Variants in SEC31A observed in about 807,000 individuals in gnomAD.
SEC31A encodes the protein protein transport protein Sec31A.
Under a neutral mutation model 151.0 loss-of-function variants are expected in SEC31A, and 70 were observed. That is an observed-to-expected ratio of 0.46 (90% CI 0.38 to 0.57). SEC31A has a LOEUF of 0.57. SEC31A is among the 20% of genes least tolerant of loss of function. The probability of loss-of-function intolerance (pLI) is 0.00; values close to 1 mark genes in which losing one functional copy is unlikely to be tolerated. For missense variants in SEC31A, 1,330 were observed against 1,471.2 expected, an observed-to-expected ratio of 0.90 and a Z score of 1.57; for synonymous variants, 475 against 505.9, an observed-to-expected ratio of 0.94 and a Z score of 0.82.
intron 8 of SEC31A, among the ~76,000 whole-genome samples, chr4:82,868,226 T>C (rs990367282): frequency 6.6e-6 from 1 of 152,120 alleles, no homozygotes; most frequent in Non-Finnish European, 1.5e-5. Flanking sequence ...AGGCTGGGCA[T>C]GGTGGTTCAC....
intron 20 of SEC31A, among the ~76,000 whole-genome samples, chr4:82,844,921 A>C (rs1287637881): frequency 6.6e-6 from 1 of 152,260 alleles, no homozygotes; most frequent in Admixed American, 6.5e-5. Context: ...AAAGAAAAAA[A>C]GTCTTCAGTA....
At chr4:82,885,825 T>C in intron 1 of SEC31A, among the ~76,000 whole-genome samples, 1 of 152,242 alleles carries the variant, frequency 6.6e-6, no homozygotes, top group South Asian at 2.1e-4. Context: ...GTCTCAGTCC[T>C]GCAGTTAAAA....
chr4:82,871,378 G>T, intron 7 of SEC31A: 1 of 1,525,286 alleles, frequency 6.6e-7, no homozygotes. Flanking sequence ...CTATGGATGG[G>T]CATGAAATCT....
chr4:82,861,686 A>G lies in SEC31A; in HGVS notation c.1571T>C (p.Val524Ala). The G allele has an allele frequency of 6.2e-7, 1 of 1,610,762 alleles. No homozygotes were observed. Residue 524 changes from valine to alanine, a missense_variant, in exon 14 of 27, where the codon GTA becomes GCA. Val to Ala is a moderately conservative substitution (Grantham distance 64, BLOSUM62 0). Transcript: ENST00000395310. Reference protein sequence around the residue: ...ANVALKDSDQVAQSDGEESPA... With the variant: ...ANVALKDSDQAAQSDGEESPA... ...GCTCTCCTCCCCATCACTCTGTGCT[A>G]CTTGGTCAGAGTCTTTAAGAGCCTT... is the stretch of plus-strand genomic sequence containing the variant.
intron 13 of SEC31A, among the ~76,000 whole-genome samples, chr4:82,861,999 C>T (rs71631360): frequency 0.19 from 27,669 of 148,332 alleles, 2,796 homozygotes; most frequent in South Asian, 0.33. Context: ...CTGCAACCTC[C>T]GCCTCCCAGT....
intron 26 of SEC31A, among the ~76,000 whole-genome samples, chr4:82,819,617 A>G (rs977637935): frequency 7.9e-5 from 12 of 152,160 alleles, no homozygotes; most frequent in Admixed American, 3.3e-4. Context: ...AAAGATTCTT[A>G]ATCATAATAT....
chr4:82,819,050 T>A lies in SEC31A; in HGVS notation c.*24A>T. 5 of 1,565,886 alleles carry A rather than the reference T, an allele frequency of 3.2e-6. No homozygotes were observed. Among genetic ancestry groups the A allele is most frequent in the Non-Finnish European group, 4.3e-6 (5 of 1,159,064 alleles). ...ATGTTTCTTTGGAAAAATGGCAATA[T>A]TGAGTGGAAGAGAAGCTGTCCTTTT... On this transcript the variant is annotated 3_prime_UTR_variant, in exon 27 of 27. Transcript: ENST00000395310.
In SEC31A at chr4:82,878,894, C is replaced by A. The variant is rs1354056613; in HGVS notation, c.238G>T (p.Asp80Tyr). The A allele has an allele frequency of 3.1e-6, 5 of 1,613,660 alleles. No homozygotes were observed. Among genetic ancestry groups the A allele is most frequent in the Non-Finnish European group, 4.2e-6 (5 of 1,179,748 alleles). The change falls in exon 4 of 27, where the codon GAT (aspartate) becomes TAT (tyrosine). Residue 80 changes from aspartate (D) to tyrosine (Y), a missense_variant. Coordinates refer to ENST00000395310, the MANE Select transcript of SEC31A (RefSeq NM_001077207.4). ...ACTCCAGAGACATCTCCTTTGGAAT[C>A]CATTTTATAAGGCCCCCAAATCAAC... Reference protein sequence around the residue: ...HKLIWGPYKMDSKGDVSGVLI... With the variant: ...HKLIWGPYKMYSKGDVSGVLI...
intron 4 of SEC31A, chr4:82,877,600 G>A (rs967299238): frequency 6.6e-6 from 1 of 152,082 alleles, no homozygotes; most frequent in East Asian, 1.9e-4. Flanking sequence ...GGCTAAGATC[G>A]TTATTAAGCT....
intron 22 of SEC31A, 87 bp downstream of exon 22, chr4:82,842,051 AAC>A: frequency 9.0e-7 from 1 of 1,112,756 alleles, no homozygotes; most frequent in Non-Finnish European, 1.3e-6. Context: ...CCAGTTTACA[AAC>A]AGTTAGAAAT....
chr4:82,841,442 T>TTATATATATATATATATA (rs58373170), intron 22 of SEC31A, among the ~76,000 whole-genome samples: 1,992 of 63,834 alleles, frequency 0.031, 121 homozygotes, highest in Non-Finnish European at 0.055. Context: ...AAAAAAAATT[T>TTATATATATATATATATA]TATATATATA....
intron 6 of SEC31A, among the ~76,000 whole-genome samples, chr4:82,874,196 G>T (rs1182524150): frequency 6.6e-6 from 1 of 152,050 alleles, no homozygotes; most frequent in Non-Finnish European, 1.5e-5. Flanking sequence ...TACTCGGAAG[G>T]CTGGGGCAGG....
intron 10 of SEC31A, among the ~76,000 whole-genome samples, chr4:82,866,154 A>G (rs28810757): frequency 0.45 from 68,684 of 151,806 alleles, 18,156 homozygotes; most frequent in Admixed American, 0.6. Flanking sequence ...AGAGACAGAG[A>G]GAGAGAGAAG....
rs765604173 is a variant in SEC31A, at chr4:82,851,467, A to T, written c.2292T>A (p.Ala764=). ...TGTCAGGAAGAAAAGCCAAGGCTGC[A>T]GCAATACTGCCCTGAGCTGCCAACA... is the stretch of plus-strand genomic sequence containing the variant. ...ANLLAAQGSI[A]AALAFLPDNT... Residue 764 remains alanine (A), a synonymous_variant, in exon 19 of 27, where the codon GCT becomes GCA. Transcript: ENST00000395310. 1.2e-5 allele frequency: 19 copies of T among 1,613,446 alleles called. No homozygotes were observed. The highest frequency in any genetic ancestry group is 1.7e-5 in the Admixed American group (1 of 59,854).
At chr4:82,834,086 G>A (rs765603582) in intron 22 of SEC31A, among the ~76,000 whole-genome samples, 1 of 152,168 alleles carries the variant, frequency 6.6e-6, no homozygotes, top group Non-Finnish European at 1.5e-5. Flanking sequence ...CTTACATGAT[G>A]ACTTTACAAC....
chr4:82,897,148 G>A (rs775464155), intron 3 of SEC31A, among the ~76,000 whole-genome samples: 5 of 152,122 alleles, frequency 3.3e-5, no homozygotes, highest in Non-Finnish European at 4.4e-5. Flanking sequence ...CACTGCTTCT[G>A]ATATTTGGAA....
At chr4:82,883,024 G>A (rs1412042055) in intron 1 of SEC31A, among the ~76,000 whole-genome samples, 1 of 152,180 alleles carries the variant, frequency 6.6e-6, no homozygotes, top group African/African-American at 2.4e-5. Flanking sequence ...GGAGGCTGAA[G>A]CAGAAGAATC....
At chr4:82,826,759 G>GT (rs1019909376) in intron 24 of SEC31A, among the ~76,000 whole-genome samples, 6 of 152,188 alleles carry the variant, frequency 3.9e-5, no homozygotes, top group African/African-American at 1.2e-4. Context: ...AGTAGAACTA[G>GT]TTTTTTTACT....
At chr4:82,844,635 A>G (rs1347582313) in intron 20 of SEC31A, 126 bp from the exon 21 acceptor site, 2 of 945,582 alleles carry the variant, frequency 2.1e-6, no homozygotes, top group Non-Finnish European at 3.1e-6. Context: ...CATAAGAAAC[A>G]TTGCATTTTG....
Sources: gnomAD v4.1 joint callset for allele counts (sites outside exome capture counted in the v4.1 genomes callset) on GRCh38, gnomAD v4.1.1 for gene constraint, MANE v1.5 for transcripts, NCBI Gene and HGNC (gene_info 2026-07-23, HGNC 2026-07-21) for gene names.